The following PLXNB1 variants were observed in gnomAD, a reference collection of about 807,000 sequenced individuals.
The protein encoded by PLXNB1 is plexin-B1.
PLXNB1 carries 106 observed loss-of-function variants against 209.4 expected under a neutral mutation model. The ratio of observed to expected loss-of-function variants is 0.51; its 90% confidence interval spans 0.43 to 0.59. The LOEUF is 0.59. Ranked by LOEUF, PLXNB1 falls within the 20% of genes least tolerant of loss-of-function variation. The pLI, the probability that PLXNB1 is intolerant of heterozygous loss-of-function variation, is 0.00. For missense variants in PLXNB1, 2,357 were observed against 2,853.2 expected (o/e 0.83, Z 3.96); for synonymous variants, 1,167 against 1,183.2 (o/e 0.99, Z 0.28).
chr3:48,422,273 T>C (rs2106941881), intron 5 of PLXNB1, 58 bp downstream of exon 5: 3 of 1,610,580 alleles, frequency 1.9e-6, no homozygotes, highest in South Asian at 1.1e-5. Context: ...AGTGGGTCCC[T>C]GGCCCCACCC....
rs753478735 is a variant in PLXNB1 at position 48,410,489 on chromosome 3, A to G, written c.5486T>C (p.Leu1829Pro). ...DEDVTSEVQG[L>P]WRRLNTLQHY... Reference sequence around the variant, plus strand: ...CTGCAGTGTGTTCAGGCGCCTCCACAGACCCTGGACCTCAGAAGTGACATC... The same window carrying G: ...CTGCAGTGTGTTCAGGCGCCTCCACGGACCCTGGACCTCAGAAGTGACATC... Residue 1829 changes from leucine to proline, a missense_variant, in exon 30 of 38, where the codon CTG becomes CCG. By Grantham distance (98) the Leu-to-Pro change is moderately conservative. Coordinates refer to ENST00000296440, the MANE Select transcript of PLXNB1 (RefSeq NM_001130082.3). The surrounding 1 kb of genome is among the most constrained non-coding windows in gnomAD (Gnocchi z 6.4). The G allele has an allele frequency of 1.9e-6, 3 of 1,613,970 alleles. No individual in the cohort carries two copies. Among genetic ancestry groups the G allele is most frequent in the Non-Finnish European group, 1.7e-6 (2 of 1,179,992 alleles).
rs2037700627 is a variant in PLXNB1 at position 48,411,808 on chromosome 3, C to T, written c.5247+55G>A. ...CAGACCCCACACACCCACACACTCT[C>T]CACCCTCGCCCTCACCGCACTCAGA... On this transcript the variant is annotated intron_variant, in intron 28 of 37. Coordinates refer to ENST00000296440, the MANE Select transcript of PLXNB1 (RefSeq NM_001130082.3). This position sits in a 1 kb window ranked among gnomAD's most constrained non-coding sequence, Gnocchi z 4.0. The T allele has an allele frequency of 1.3e-6, 2 of 1,587,784 alleles. No individual in the cohort carries two copies. The highest frequency in any genetic ancestry group is 1.7e-6 in the Non-Finnish European group (2 of 1,165,144).
chr3:48,422,843 C>G lies in PLXNB1; in HGVS notation c.1212G>C (p.Gln404His). ...CCATGGTGACTGCCACAGCTGTTAG[C>G]TGAATCCCTGGCCACTCCAGAATTG... is the stretch of plus-strand genomic sequence containing the variant. Reference protein sequence around the residue: ...ATPILEWPGIQLTAVAVTMED... With the variant: ...ATPILEWPGIHLTAVAVTMED... The change falls in exon 4 of 38, where the codon CAG (glutamine) becomes CAC (histidine). Residue 404 changes from glutamine to histidine, a missense_variant. By Grantham distance (24) the Gln-to-His change is conservative. Transcript: ENST00000296440. 1.2e-6 allele frequency: 2 copies of G among 1,614,178 alleles called. No individual in the cohort carries two copies. Among genetic ancestry groups the G allele is most frequent in the Non-Finnish European group, 1.7e-6 (2 of 1,179,996 alleles).
rs758479462 is a variant in PLXNB1 at position 48,404,523 on chromosome 3, A to G, written c.6371T>C (p.Ile2124Thr). 1 of 1,613,684 alleles carries G rather than the reference A, an allele frequency of 6.2e-7. No homozygotes were observed. The highest frequency in any genetic ancestry group is 8.5e-7 in the Non-Finnish European group (1 of 1,179,700). The change falls in exon 38 of 38, where the codon ATT (isoleucine) becomes ACT (threonine). Residue 2124 changes from isoleucine to threonine, a missense_variant. By Grantham distance (89) the Ile-to-Thr change is moderately conservative. Transcript: ENST00000296440. ...KMQLGYRLQQ[I>T]AAAVENKVTD... ...GACCTTGTTTTCCACAGCAGCTGCA[A>G]TCTGCTGGAGCCGATAGCCCAGCTG...
At position 48,405,226 on chromosome 3, in the gene PLXNB1, CT is replaced by C. The variant is rs766179195; in HGVS notation, c.6303+497del. ...GGTGCCACACAAACATCTAAGTGGACTATTCCACCAGGCATCCAGCAGGTTG... is the reference window on the plus strand; with the variant it reads ...GGTGCCACACAAACATCTAAGTGGACATTCCACCAGGCATCCAGCAGGTTG... On this transcript the variant is annotated intron_variant, in intron 37 of 37. Coordinates refer to ENST00000296440, the MANE Select transcript of PLXNB1 (RefSeq NM_001130082.3). The surrounding 1 kb of genome is among the most constrained non-coding windows in gnomAD (Gnocchi z 5.0). Among the ~76,000 whole-genome samples, 36 of 152,332 alleles carry C rather than the reference CT, an allele frequency of 2.4e-4. No homozygotes were observed. Among genetic ancestry groups the C allele is most frequent in the Non-Finnish European group, 4.4e-4 (30 of 68,026 alleles).
rs776161782 is a variant in PLXNB1 at position 48,418,089 on chromosome 3, T to G, written c.3223-27A>C. On this transcript the variant is annotated intron_variant, in intron 15 of 37. Coordinates refer to ENST00000296440, the MANE Select transcript of PLXNB1 (RefSeq NM_001130082.3). This position sits in a 1 kb window ranked among gnomAD's most constrained non-coding sequence, Gnocchi z 6.6. Reference sequence around the variant, plus strand: ...TGTTCCAGGACAAGGACTGCTCACCTCTACTCAACTGGAAAGGCAGCCCCA... The same window carrying G: ...TGTTCCAGGACAAGGACTGCTCACCGCTACTCAACTGGAAAGGCAGCCCCA... 4 of 1,608,968 alleles carry G rather than the reference T, an allele frequency of 2.5e-6. No homozygotes were observed. The East Asian group carries it at 8.9e-5, about 36-fold the overall frequency.
chr3:48,410,146 A>G lies in PLXNB1; in HGVS notation c.5606-69T>C. 1 of 1,507,124 alleles carries G rather than the reference A, an allele frequency of 6.6e-7. No individual in the cohort carries two copies. The highest frequency in any genetic ancestry group is 8.9e-7 in the Non-Finnish European group (1 of 1,118,734). The allele number at this position is 1,507,124 out of a possible 1,614,324, so 93.4% of individuals were successfully genotyped here. The stretch of plus-strand genomic sequence containing the variant: ...CTCCCCAGGCCCCCTGTTTCTTGCC[A>G]GCTCTCCCAGGGGTGGGGGCACCTG... On this transcript the variant is annotated intron_variant, in intron 31 of 37. Coordinates refer to ENST00000296440, the MANE Select transcript of PLXNB1 (RefSeq NM_001130082.3). This position sits in a 1 kb window ranked among gnomAD's most constrained non-coding sequence, Gnocchi z 6.4.
chr3:48,428,958 G>A (rs766312573), intron 1 of PLXNB1, among the ~76,000 whole-genome samples: 1 of 152,056 alleles, frequency 6.6e-6, no homozygotes, highest in Non-Finnish European at 1.5e-5. Flanking sequence ...CCCAGACCCC[G>A]AGGCGAGGAC....
At chr3:48,429,000 G>GGC (rs1459698584) in intron 1 of PLXNB1, among the ~76,000 whole-genome samples, 1 of 152,204 alleles carries the variant, frequency 6.6e-6, no homozygotes, top group African/African-American at 2.4e-5. Flanking sequence ...GCGGGGAAGG[G>GGC]GCCGGCCGGT....
In PLXNB1 at chr3:48,422,161, A is replaced by G. The variant is rs1354438823; in HGVS notation, c.1464T>C (p.Cys488=). The G allele has an allele frequency of 6.2e-7, 1 of 1,614,178 alleles. No homozygotes were observed. The highest frequency in any genetic ancestry group is 8.5e-7 in the Non-Finnish European group (1 of 1,180,008). ...PVASCAQHLD[C]ASCLAHRDPY... is the part of the protein sequence containing the mutation. ...GGTCCCTGTGAGCAAGGCAAGATGC[A>G]CAGTCCAGGTGCTGAGCACAGGAAG... The change falls in exon 6 of 38, where the codon TGT becomes TGC. Residue 488 remains cysteine, a synonymous_variant. Coordinates refer to ENST00000296440, the MANE Select transcript of PLXNB1 (RefSeq NM_001130082.3).
Position 48,405,705 on chromosome 3 carries a change from G to C in PLXNB1, c.6303+19C>G. On this transcript the variant is annotated intron_variant, in intron 37 of 37. Coordinates refer to ENST00000296440, the MANE Select transcript of PLXNB1 (RefSeq NM_001130082.3). This position sits in a 1 kb window ranked among gnomAD's most constrained non-coding sequence, Gnocchi z 5.0. ...AGGCCTTGGGTCAGCCTCCCAGTCG[G>C]GGTCCAGGGCCTGCCCACCTGGTCA... 1 of 1,605,738 alleles carries C rather than the reference G, an allele frequency of 6.2e-7. No homozygotes were observed. Among genetic ancestry groups the C allele is most frequent in the Non-Finnish European group, 8.5e-7 (1 of 1,173,478 alleles).
In PLXNB1 at chr3:48,410,861, C is replaced by T. The variant is rs776016596; in HGVS notation, c.5416+7G>A. The T allele has an allele frequency of 1.9e-5, 30 of 1,606,544 alleles. No homozygotes were observed. In the East Asian group the frequency reaches 6.7e-4, roughly 36 times the overall value. ...CTCAGGTCCCCAGGGGCTCTCCACG[C>T]CCTCACCAACATCAAGGGTGCGAGG... is the stretch of plus-strand genomic sequence containing the variant. On this transcript the variant is annotated splice_region_variant and intron_variant, in intron 29 of 37. Transcript: ENST00000296440. This position sits in a 1 kb window ranked among gnomAD's most constrained non-coding sequence, Gnocchi z 6.4.
Position 48,411,068 on chromosome 3 carries a change from C to T in PLXNB1, c.5248-32G>A, listed in dbSNP as rs770488848. 2.5e-6 allele frequency: 4 copies of T among 1,585,866 alleles called. No individual in the cohort carries two copies. Among genetic ancestry groups the T allele is most frequent in the Non-Finnish European group, 3.4e-6 (4 of 1,162,346 alleles). The stretch of plus-strand genomic sequence containing the variant: ...AGGACACACAGGAGCCATCAGGGTT[C>T]ATGTGCACTCAGGATGACCAAGACA... On this transcript the variant is annotated intron_variant, in intron 28 of 37. Transcript: ENST00000296440. This position sits in a 1 kb window ranked among gnomAD's most constrained non-coding sequence, Gnocchi z 4.0.
Position 48,407,068 on chromosome 3 carries a change from C to T in PLXNB1, c.6111G>A (p.Leu2037=). 1.2e-6 allele frequency: 2 copies of T among 1,614,118 alleles called. No homozygotes were observed. Among genetic ancestry groups the T allele is most frequent in the Non-Finnish European group, 1.7e-6 (2 of 1,180,020 alleles). Residue 2037 remains leucine, a synonymous_variant, in exon 35 of 38, where the codon CTG becomes CTA. Coordinates refer to ENST00000296440, the MANE Select transcript of PLXNB1 (RefSeq NM_001130082.3). ...LGRDSPINKL[L]YARDIPRYKR... is the part of the protein sequence containing the mutation. ...TGTACCGGGGAATGTCCCGTGCATACAGAAGTTTGTTGATCGGGGAGTCCT... is the reference window on the plus strand; with the variant it reads ...TGTACCGGGGAATGTCCCGTGCATATAGAAGTTTGTTGATCGGGGAGTCCT...
At position 48,423,546 on chromosome 3, in the gene PLXNB1, T is replaced by G; in HGVS notation, c.1066A>C (p.Ile356Leu). The change falls in exon 3 of 38, where the codon ATC becomes CTC. Residue 356 changes from isoleucine (I) to leucine (L), a missense_variant. This residue lies in a region of PLXNB1 where 404 missense variants were observed against 443.6 expected (regional missense o/e 0.91). Coordinates refer to ENST00000296440, the MANE Select transcript of PLXNB1 (RefSeq NM_001130082.3). ...RAEDGTEVAY[I>L]EYDVNSDCAQ... is the part of the protein sequence containing the mutation. The stretch of plus-strand genomic sequence containing the variant: ...CAGTCAGAATTGACATCATACTCGA[T>G]GTAGGCCACCTCGGTCCCATCCTCA... 6.2e-7 allele frequency: 1 copy of G among 1,614,140 alleles called. No homozygotes were observed. The highest frequency in any genetic ancestry group is 8.5e-7 in the Non-Finnish European group (1 of 1,180,020).
Position 48,406,009 on chromosome 3 carries a change from G to C in PLXNB1, c.6229-211C>G. 6.0e-6 allele frequency: 3 copies of C among 502,670 alleles called. No individual in the cohort carries two copies. The South Asian group carries it at 6.3e-5, about 11-fold the overall frequency. 31.1% of individuals were successfully genotyped at this position (502,670 alleles called of 1,614,324 possible). Reference sequence around the variant, plus strand: ...GGGGACAGAACAGGGTAGAGCAAGGGGGCCTCCTTGGTAGGAAGACAGCCC... The same window carrying C: ...GGGGACAGAACAGGGTAGAGCAAGGCGGCCTCCTTGGTAGGAAGACAGCCC... On this transcript the variant is annotated intron_variant, in intron 36 of 37. Coordinates refer to ENST00000296440, the MANE Select transcript of PLXNB1 (RefSeq NM_001130082.3). The surrounding 1 kb of genome is among the most constrained non-coding windows in gnomAD (Gnocchi z 4.4).
chr3:48,410,397 G>T lies in PLXNB1; in HGVS notation c.5521-17C>A, dbSNP rs762787621. 2 of 1,612,362 alleles carry T rather than the reference G, an allele frequency of 1.2e-6. No homozygotes were observed. The highest frequency in any genetic ancestry group is 1.7e-6 in the Non-Finnish European group (2 of 1,178,790). On this transcript the variant is annotated splice_polypyrimidine_tract_variant and intron_variant, in intron 30 of 37. Coordinates refer to ENST00000296440, the MANE Select transcript of PLXNB1 (RefSeq NM_001130082.3). The surrounding 1 kb of genome is among the most constrained non-coding windows in gnomAD (Gnocchi z 6.4). ...ATCTGGGACCTGCTGAGCACAGCTGGTGATCCCTCCACCAGTCCCACCCCA... is the reference window on the plus strand; with the variant it reads ...ATCTGGGACCTGCTGAGCACAGCTGTTGATCCCTCCACCAGTCCCACCCCA...
rs777440373 is a variant in PLXNB1 at position 48,415,325 on chromosome 3, G to T, written c.3817C>A (p.Arg1273Ser). 1 of 1,613,396 alleles carries T rather than the reference G, an allele frequency of 6.2e-7. No homozygotes were observed. The highest frequency in any genetic ancestry group is 1.3e-5 in the African/African-American group (1 of 74,914). ...FLSGGREICV[R>S]GQNLDVVQTP... The stretch of plus-strand genomic sequence containing the variant: ...TGTACCACGTCCAGATTCTGGCCAC[G>T]GACGCATATCTCACGTCCTCCACTG... Residue 1273 changes from arginine to serine, a missense_variant, in exon 20 of 38, where the codon CGT (arginine) becomes AGT (serine). By Grantham distance (110) the Arg-to-Ser change is moderately radical (BLOSUM62 -1). Transcript: ENST00000296440. The surrounding 1 kb of genome is among the most constrained non-coding windows in gnomAD (Gnocchi z 5.0).
In PLXNB1 at chr3:48,419,800, G is replaced by A. The variant is rs760282754; in HGVS notation, c.2486C>T (p.Pro829Leu). 1 of 1,594,240 alleles carries A rather than the reference G, an allele frequency of 6.3e-7. No individual in the cohort carries two copies. The change falls in exon 11 of 38, where the codon CCA becomes CTA. Residue 829 changes from proline to leucine, a missense_variant. By Grantham distance (98) the Pro-to-Leu change is moderately conservative. Coordinates refer to ENST00000296440, the MANE Select transcript of PLXNB1 (RefSeq NM_001130082.3). This position sits in a 1 kb window ranked among gnomAD's most constrained non-coding sequence, Gnocchi z 5.7. The part of the protein sequence containing the change: ...PPATVPATTF[P>L]GAMGSVKPAL... ...GGGCTTCACGGAGCCCATGGCCCCT[G>A]GGAAAGTGGTGGCAGGAACAGTGGC... is the stretch of plus-strand genomic sequence containing the variant.
Sources: allele counts gnomAD v4.1 joint callset (sites outside exome capture counted in the v4.1 genomes callset), GRCh38; gene constraint gnomAD v4.1.1; regional missense constraint gnomAD v4.1.1; non-coding constraint Gnocchi (gnomAD v3.1); transcripts MANE v1.5; gene names NCBI Gene and HGNC (gene_info 2026-07-23, HGNC 2026-07-21).